CRTAC1: variants seen among roughly 807,000 people sequenced by gnomAD.
The protein encoded by CRTAC1 is acidic secreted protein in cartilage.
A neutral mutation model predicts 67.8 loss-of-function variants in CRTAC1; 37 were observed. The ratio of observed to expected loss-of-function variants is 0.55; its 90% CI spans 0.42 to 0.72. The LOEUF (loss-of-function observed/expected upper bound fraction) is 0.72, where lower values mean the gene tolerates loss of function less well. Ranked by LOEUF, CRTAC1 falls within the 30% of genes least tolerant of loss-of-function variation. The pLI is 0.00. For synonymous variants in CRTAC1, 348 were observed against 371.0 expected (o/e 0.94, Z 0.71); for missense variants, 780 against 931.6 (o/e 0.84, Z 2.12).
chr10:98,020,441 C>T (rs1290756240), intron 1 of CRTAC1, among the ~76,000 whole-genome samples: 1 of 152,214 alleles, frequency 6.6e-6, no homozygotes, highest in Non-Finnish European at 1.5e-5. Context: ...AACTAAGGCA[C>T]AGAGAGGGTA....
chr10:97,908,385 G>C (rs2050644461), intron 5 of CRTAC1, among the ~76,000 whole-genome samples: 1 of 152,192 alleles, frequency 6.6e-6, no homozygotes, highest in South Asian at 2.1e-4. Context: ...CGGGCATGGG[G>C]ACCCCACACA....
chr10:97,886,595 G>A (rs188760468), intron 11 of CRTAC1, among the ~76,000 whole-genome samples: 2 of 152,154 alleles, frequency 1.3e-5, no homozygotes, highest in East Asian at 3.9e-4. Context: ...TTCTGCAGAA[G>A]CGGGGTGAAA....
rs1843313258 is a variant in CRTAC1 at position 98,029,486 on chromosome 10, G to A, written c.24+963C>T. Among the ~76,000 whole-genome samples the A allele has an allele frequency of 7.1e-6, 1 of 140,380 alleles. No individual in the cohort carries two copies. Among genetic ancestry groups the A allele is most frequent in the Non-Finnish European group, 1.5e-5 (1 of 65,174 alleles). The allele number at this position is 140,380 out of a possible 152,430, so 92.1% of individuals were successfully genotyped here. A position where few individuals can be genotyped will look rare whatever the true frequency, so the allele number is the denominator to read the frequency against. On this transcript the variant is annotated intron_variant, in intron 1 of 14. Coordinates refer to ENST00000370597, the MANE Select transcript of CRTAC1 (RefSeq NM_018058.7). The surrounding 1 kb of genome is among the most constrained non-coding windows in gnomAD (Gnocchi z 4.7). The stretch of plus-strand genomic sequence containing the variant: ...GCCACACTGGGTGCACCCACCAGCA[G>A]CAGCAGCGGCGGCGGCGGCGGCGGC...
intron 2 of CRTAC1, among the ~76,000 whole-genome samples, chr10:98,003,778 TATGTGTGC>T: frequency 6.6e-6 from 1 of 152,202 alleles, no homozygotes; most frequent in Non-Finnish European, 1.5e-5. Flanking sequence ...GTTCTGTGTG[TATGTGTGC>T]ATGTGTGTCT....
intron 13 of CRTAC1, among the ~76,000 whole-genome samples, chr10:97,881,476 C>T (rs147325385): frequency 2.3e-3 from 356 of 152,296 alleles, no homozygotes; most frequent in Admixed American, 3.7e-3. Flanking sequence ...TGTGGTCATG[C>T]GTTCAGGGTC....
chr10:97,922,729 A>C (rs935889908), intron 4 of CRTAC1, among the ~76,000 whole-genome samples: 1 of 152,172 alleles, frequency 6.6e-6, no homozygotes, highest in Admixed American at 6.5e-5. Flanking sequence ...AGAGCATGAA[A>C]ACGTTGGAGG....
intron 2 of CRTAC1, among the ~76,000 whole-genome samples, chr10:97,960,804 T>C (rs1048111873): frequency 6.6e-6 from 1 of 152,202 alleles, no homozygotes; most frequent in Non-Finnish European, 1.5e-5. Context: ...AAATAAACTA[T>C]GTCTACAGCA....
chr10:97,934,613 A>T (rs1156569322), intron 3 of CRTAC1, among the ~76,000 whole-genome samples: 1 of 152,154 alleles, frequency 6.6e-6, no homozygotes, highest in Non-Finnish European at 1.5e-5. Flanking sequence ...CTCAGGGGAA[A>T]GCCAGTGTAT....
intron 3 of CRTAC1, among the ~76,000 whole-genome samples, chr10:97,933,876 G>A (rs188942212): frequency 6.6e-6 from 1 of 152,304 alleles, no homozygotes; most frequent in Admixed American, 6.5e-5. Flanking sequence ...TGGTGACTGG[G>A]TCCCCCTCCT....
chr10:97,929,779 A>G (rs1055822393), intron 3 of CRTAC1, among the ~76,000 whole-genome samples: 6 of 152,264 alleles, frequency 3.9e-5, no homozygotes, highest in Admixed American at 3.9e-4. Context: ...CACCGTCACC[A>G]TCACCACCAT....
At chr10:97,906,112 G>A (rs943145721) in intron 6 of CRTAC1, among the ~76,000 whole-genome samples, 6 of 152,300 alleles carry the variant, frequency 3.9e-5, no homozygotes, top group Non-Finnish European at 5.9e-5. Context: ...AGAAGGCAGG[G>A]TGGGGCCCCC....
intron 8 of CRTAC1, among the ~76,000 whole-genome samples, chr10:97,900,765 C>CCT (rs2050525892): frequency 1.4e-5 from 1 of 72,742 alleles, no homozygotes; most frequent in Non-Finnish European, 2.7e-5. Flanking sequence ...GATTGGAGCC[C>CCT]GTAGCCCCTT....
intron 1 of CRTAC1, among the ~76,000 whole-genome samples, chr10:98,028,148 C>G (rs1419896681): frequency 6.6e-6 from 1 of 152,144 alleles, no homozygotes; most frequent in Non-Finnish European, 1.5e-5. Context: ...TGTGTACCAG[C>G]TCTGTCTCCT....
intron 4 of CRTAC1, among the ~76,000 whole-genome samples, chr10:97,919,724 T>C (rs939230030): frequency 6.8e-6 from 1 of 148,120 alleles, no homozygotes; most frequent in Admixed American, 6.8e-5. Context: ...CGCCATGTGA[T>C]TCCTGTGCAA....
rs71007374 is a variant in CRTAC1, at chr10:98,029,491, A to AGCGGCGGCGGCGGCGGCG, written c.24+940_24+957dup. 0.013 allele frequency among the ~76,000 whole-genome samples: 1,771 copies of AGCGGCGGCGGCGGCGGCG among 140,398 alleles called. 27 individuals carry two copies. Among genetic ancestry groups the AGCGGCGGCGGCGGCGGCG allele is most frequent in the Middle Eastern group, 0.043 (12 of 282 alleles). 92.1% of individuals were successfully genotyped at this position (140,398 alleles called of 152,430 possible). A position where few individuals can be genotyped will look rare whatever the true frequency, so the allele number is the denominator to read the frequency against. ...ACTGGGTGCACCCACCAGCAGCAGC[A>AGCGGCGGCGGCGGCGGCG]GCGGCGGCGGCGGCGGCGGCGGCGG... On this transcript the variant is annotated intron_variant, in intron 1 of 14. Transcript: ENST00000370597. The surrounding 1 kb of genome is among the most constrained non-coding windows in gnomAD (Gnocchi z 4.7).
intron 3 of CRTAC1, among the ~76,000 whole-genome samples, chr10:97,924,803 C>T (rs941770827): frequency 2.0e-5 from 3 of 152,194 alleles, no homozygotes; most frequent in African/African-American, 7.2e-5. Context: ...CAGCCCTGCA[C>T]TGCAGGGGTT....
At chr10:98,021,341 CAGCACTCAT>C (rs1211543002) in intron 1 of CRTAC1, among the ~76,000 whole-genome samples, 1 of 152,174 alleles carries the variant, frequency 6.6e-6, no homozygotes, top group Non-Finnish European at 1.5e-5. Context: ...CTGCCTGCAG[CAGCACTCAT>C]AGACAGGAGA....
intron 2 of CRTAC1, among the ~76,000 whole-genome samples, chr10:97,936,647 C>T (rs1294590401): frequency 6.6e-6 from 1 of 152,248 alleles, no homozygotes; most frequent in Non-Finnish European, 1.5e-5. Context: ...GAGCCATGGA[C>T]AGCCCGTTCC....
chr10:97,950,282 G>A (rs916132246), intron 2 of CRTAC1, among the ~76,000 whole-genome samples: 1 of 151,060 alleles, frequency 6.6e-6, no homozygotes, highest in Admixed American at 6.6e-5. Context: ...GAGAGAGAGA[G>A]AGAGAGAGTA....
Sources: gnomAD v4.1 joint callset for allele counts (sites outside exome capture counted in the v4.1 genomes callset) on GRCh38, gnomAD v4.1.1 for gene constraint, Gnocchi (gnomAD v3.1) non-coding constraint, MANE v1.5 for transcripts, NCBI Gene and HGNC (gene_info 2026-07-23, HGNC 2026-07-21) for gene names.